CYP7B1: variants seen among roughly 807,000 people sequenced by gnomAD.
CYP7B1 encodes cytochrome P450 family 7 subfamily B member 1, also known as cytochrome P450 7B1.
A neutral mutation model predicts 42.7 loss-of-function variants in CYP7B1; 29 were observed. The ratio of observed to expected loss-of-function variants is 0.68; its 90% CI spans 0.51 to 0.93. The LOEUF is 0.93. Ranked by LOEUF, CYP7B1 falls within the 40% of genes least tolerant of loss-of-function variation. The pLI, the probability that CYP7B1 is intolerant of heterozygous loss-of-function variation, is 0.00. For synonymous variants in CYP7B1, 235 were observed against 218.2 expected (o/e 1.08, Z -0.68); for missense variants, 655 against 600.5 (o/e 1.09, Z -0.95).
intron 1 of CYP7B1, among the ~76,000 whole-genome samples, chr8:64,716,224 T>C (rs767954344): frequency 2.6e-5 from 4 of 152,354 alleles, no homozygotes; most frequent in Non-Finnish European, 5.9e-5. Context: ...AGAACTTCTT[T>C]GTGATATATT....
At chr8:64,749,434 AG>A (rs1307041722) in intron 1 of CYP7B1, among the ~76,000 whole-genome samples, 2 of 152,172 alleles carry the variant, frequency 1.3e-5, no homozygotes, top group Non-Finnish European at 2.9e-5. Context: ...ATAGATTAGA[AG>A]GGGGTAGAGA....
intron 1 of CYP7B1, among the ~76,000 whole-genome samples, chr8:64,777,690 T>C (rs762026573): frequency 3.9e-5 from 6 of 152,032 alleles, no homozygotes; most frequent in Admixed American, 2.6e-4. Context: ...TAGAAAACTA[T>C]ATAATGGCCA....
intron 1 of CYP7B1, among the ~76,000 whole-genome samples, chr8:64,750,791 T>C (rs1487838293): frequency 6.6e-6 from 1 of 152,186 alleles, no homozygotes; most frequent in Non-Finnish European, 1.5e-5. Flanking sequence ...AATTCTTGTG[T>C]TTTGTTCTCT....
intron 1 of CYP7B1, among the ~76,000 whole-genome samples, chr8:64,744,676 T>C (rs1004942804): frequency 1.3e-5 from 2 of 152,212 alleles, no homozygotes; most frequent in Non-Finnish European, 2.9e-5. Flanking sequence ...TGAGATGTAC[T>C]CTGCAAACCC....
intron 3 of CYP7B1, 109 bp from the exon 4 acceptor site, chr8:64,615,341 G>C: frequency 9.2e-7 from 1 of 1,088,124 alleles, no homozygotes; most frequent in Non-Finnish European, 1.4e-6. Context: ...AAGGATCAGT[G>C]CATGCTAATG....
At position 64,675,494 on chromosome 8, in the gene CYP7B1, G is replaced by A. The variant is rs183741889; in HGVS notation, c.123-50955C>T. On this transcript the variant is annotated intron_variant, in intron 1 of 5. Coordinates refer to ENST00000310193, the MANE Select transcript of CYP7B1 (RefSeq NM_004820.5). ...TTTATTATTTTATATTACTTATTAA[G>A]TATTTTGCTATTATTATTATTTTAC... Among the ~76,000 whole-genome samples the A allele has an allele frequency of 7.5e-3, 1,123 of 150,246 alleles. 8 individuals are homozygous for A. Among genetic ancestry groups the A allele is most frequent in the Admixed American group, 0.013 (193 of 15,086 alleles).
intron 1 of CYP7B1, among the ~76,000 whole-genome samples, chr8:64,637,721 C>T (rs998797930): frequency 6.6e-6 from 1 of 152,140 alleles, no homozygotes; most frequent in Non-Finnish European, 1.5e-5. Flanking sequence ...TGTACCCTCC[C>T]ACATGTTTTG....
chr8:64,631,744 A>T (rs1296906629), intron 1 of CYP7B1, among the ~76,000 whole-genome samples: 1 of 152,248 alleles, frequency 6.6e-6, no homozygotes, highest in Non-Finnish European at 1.5e-5. Flanking sequence ...AACCCAATTA[A>T]AAAATGGGCT....
At chr8:64,750,738 C>T (rs1377644741) in intron 1 of CYP7B1, among the ~76,000 whole-genome samples, 2 of 152,198 alleles carry the variant, frequency 1.3e-5, no homozygotes, top group Admixed American at 1.3e-4. Flanking sequence ...GAACTTGCTT[C>T]TCCCTCTACC....
intron 1 of CYP7B1, among the ~76,000 whole-genome samples, chr8:64,794,145 G>A (rs1262173359): frequency 6.6e-6 from 1 of 152,188 alleles, no homozygotes; most frequent in Non-Finnish European, 1.5e-5. Context: ...AGCATGGGGT[G>A]TCAGAGTTTG....
Position 64,593,232 on chromosome 8 carries a change from G to GGTGTGTGTGTGTGTGT in CYP7B1, c.*3394_*3409dup, listed in dbSNP as rs57590025. Among the ~76,000 whole-genome samples the GGTGTGTGTGTGTGTGT allele has an allele frequency of 1.6e-5, 2 of 123,372 alleles. No individual in the cohort carries two copies. Among genetic ancestry groups the GGTGTGTGTGTGTGTGT allele is most frequent in the Non-Finnish European group, 3.6e-5 (2 of 55,212 alleles). 80.9% of individuals were successfully genotyped at this position (123,372 alleles called of 152,430 possible). A position where few individuals can be genotyped will look rare whatever the true frequency, so the allele number is the denominator to read the frequency against. On this transcript the variant is annotated 3_prime_UTR_variant, in exon 6 of 6. Transcript: ENST00000310193. ...TGGTGGACTAAAGGCTAGGGCCCAG[G>GGTGTGTGTGTGTGTGT]GTGTGTGTGTGTGTGTGTGTGTGTG...
intron 1 of CYP7B1, among the ~76,000 whole-genome samples, chr8:64,677,759 G>A (rs1398939194): frequency 1.4e-5 from 1 of 72,460 alleles, no homozygotes; most frequent in African/African-American, 5.3e-5. Context: ...TAAGATCTAT[G>A]TTTTAAAATT....
chr8:64,697,917 A>C (rs1477458391), intron 1 of CYP7B1, among the ~76,000 whole-genome samples: 2 of 152,226 alleles, frequency 1.3e-5, no homozygotes, highest in Non-Finnish European at 2.9e-5. Context: ...ATCCTGACCA[A>C]GAGAGACAAG....
chr8:64,611,786 T>G (rs555119573), intron 4 of CYP7B1, among the ~76,000 whole-genome samples: 1 of 152,122 alleles, frequency 6.6e-6, no homozygotes, highest in African/African-American at 2.4e-5. Context: ...ACCTTGACTT[T>G]CCAGAGTATG....
At chr8:64,701,677 G>A (rs1407507331) in intron 1 of CYP7B1, among the ~76,000 whole-genome samples, 1 of 152,078 alleles carries the variant, frequency 6.6e-6, no homozygotes. Flanking sequence ...AAAAAACAGA[G>A]ATAGGCAAGG....
intron 1 of CYP7B1, among the ~76,000 whole-genome samples, chr8:64,771,767 A>G (rs1417559164): frequency 6.6e-6 from 1 of 152,234 alleles, no homozygotes; most frequent in Non-Finnish European, 1.5e-5. Context: ...CTCATTCTAC[A>G]TGAAGCTTAT....
At chr8:64,664,009 C>T (rs908593585) in intron 1 of CYP7B1, among the ~76,000 whole-genome samples, 18 of 152,194 alleles carry the variant, frequency 1.2e-4, no homozygotes, top group African/African-American at 3.9e-4. Context: ...TGGTCACACA[C>T]GCTCTGCCCC....
At chr8:64,678,528 C>G (rs574872131) in intron 1 of CYP7B1, among the ~76,000 whole-genome samples, 1 of 152,184 alleles carries the variant, frequency 6.6e-6, no homozygotes, top group East Asian at 1.9e-4. Flanking sequence ...TCTGTCATTT[C>G]CCAGGATATT....
At chr8:64,642,706 A>C (rs180830277) in intron 1 of CYP7B1, among the ~76,000 whole-genome samples, 1 of 152,268 alleles carries the variant, frequency 6.6e-6, no homozygotes, top group East Asian at 1.9e-4. Context: ...ACATTTAAAA[A>C]TTGTTGTAAC....
Sources: gnomAD v4.1 joint callset for allele counts (sites outside exome capture counted in the v4.1 genomes callset) on GRCh38, gnomAD v4.1.1 for gene constraint, MANE v1.5 for transcripts, NCBI Gene and HGNC (gene_info 2026-07-23, HGNC 2026-07-21) for gene names.